Variants in DNM3 observed in about 807,000 individuals in gnomAD.
DNM3 encodes the protein dynamin 3.
A neutral mutation model predicts 101.6 loss-of-function variants in DNM3; 47 were observed. The ratio of observed to expected loss-of-function variants is 0.46; its 90% CI spans 0.37 to 0.59. The LOEUF is 0.59. Among genes scored for constraint, DNM3 ranks in the 20% least tolerant of loss-of-function variants. The pLI is 0.00. For missense variants in DNM3, 849 were observed against 1,085.7 expected, an observed-to-expected ratio of 0.78 and a Z score of 3.06; for synonymous variants, 385 against 387.9, an observed-to-expected ratio of 0.99 and a Z score of 0.09.
At chr1:172,121,067 A>C (rs1266159998) in intron 13 of DNM3, among the ~76,000 whole-genome samples, 4 of 152,092 alleles carry the variant, frequency 2.6e-5, no homozygotes, top group Admixed American at 2.6e-4. Context: ...TTTTTTCCTC[A>C]TGTGTGCATA....
intron 1 of DNM3, among the ~76,000 whole-genome samples, chr1:171,885,456 T>A (rs1480592006): frequency 6.6e-6 from 1 of 152,210 alleles, no homozygotes. Context: ...TAGCCATGTT[T>A]GACCTGGGCC....
At position 172,409,887 on chromosome 1, in the gene DNM3, A is replaced by G; in HGVS notation, c.*2046A>G. On this transcript the variant is annotated 3_prime_UTR_variant, in exon 21 of 21. Coordinates refer to ENST00000627582, the MANE Select transcript of DNM3 (RefSeq NM_015569.5). ...AATTTTCCTTCTGTTAAAGGAAAAT[A>G]TTGTGAATAACCACTGGTGTGTTCT... The G allele has an allele frequency of 1.0e-6, 1 of 985,744 alleles. No individual in the cohort carries two copies. Among genetic ancestry groups the G allele is most frequent in the Non-Finnish European group, 1.2e-6 (1 of 829,864 alleles). 61.1% of individuals were successfully genotyped at this position (985,744 alleles called of 1,614,324 possible). A position where few individuals can be genotyped will look rare whatever the true frequency, so the allele number is the denominator to read the frequency against.
intron 12 of DNM3, among the ~76,000 whole-genome samples, chr1:172,086,235 A>G (rs1423158244): frequency 1.3e-5 from 2 of 152,138 alleles, no homozygotes; most frequent in Non-Finnish European, 2.9e-5. Flanking sequence ...TTTCTTGCAT[A>G]ATAGCCTGAG....
intron 4 of DNM3, among the ~76,000 whole-genome samples, chr1:171,995,633 A>T (rs144880814): frequency 7.9e-4 from 120 of 152,186 alleles, no homozygotes; most frequent in Middle Eastern, 3.4e-3. Flanking sequence ...TTCATATAAC[A>T]GTCATTTGAG....
Position 171,966,344 on chromosome 1 carries a change from C to T in DNM3, c.236-21312C>T, listed in dbSNP as rs138029100. On this transcript the variant is annotated intron_variant, in intron 2 of 20. Transcript: ENST00000627582. Reference sequence around the variant, plus strand: ...CTCAAGCTCTCTGAAAGGTCTCTCACTAAGCATGAGGGCAGAAGAAGGCAT... The same window carrying T: ...CTCAAGCTCTCTGAAAGGTCTCTCATTAAGCATGAGGGCAGAAGAAGGCAT... Among the ~76,000 whole-genome samples the T allele has an allele frequency of 1.1e-4, 16 of 152,314 alleles. No homozygotes were observed. In the East Asian group the frequency reaches 3.1e-3, roughly 29 times the overall value.
At chr1:172,191,690 G>A (rs567168) in intron 14 of DNM3, among the ~76,000 whole-genome samples, 74,382 of 151,838 alleles carry the variant, frequency 0.49, 19,907 homozygotes, top group African/African-American at 0.71. Context: ...CTTTTATTTC[G>A]TTGAGCAGTG....
intron 14 of DNM3, among the ~76,000 whole-genome samples, chr1:172,185,201 G>A (rs182754946): frequency 2.0e-5 from 3 of 152,100 alleles, no homozygotes; most frequent in Admixed American, 6.6e-5. Flanking sequence ...TATTTGCATC[G>A]GCAGTGAGAT....
intron 14 of DNM3, chr1:172,133,070 G>A: frequency 6.9e-7 from 1 of 1,451,436 alleles, no homozygotes; most frequent in Non-Finnish European, 9.0e-7. Context: ...GAGGACTTAT[G>A]AAGATGAATT....
intron 18 of DNM3, chr1:172,386,922 C>T (rs2069214393): frequency 3.9e-6 from 2 of 512,542 alleles, no homozygotes; most frequent in African/African-American, 1.9e-5. Flanking sequence ...GTGTGGACAG[C>T]CAAAAGACAG....
intron 10 of DNM3, among the ~76,000 whole-genome samples, chr1:172,058,850 C>A (rs1272088022): frequency 6.7e-6 from 1 of 148,358 alleles, no homozygotes; most frequent in East Asian, 2.1e-4. Context: ...AAAATCATAG[C>A]AGAACTGAAG....
intron 14 of DNM3, among the ~76,000 whole-genome samples, chr1:172,248,852 A>G (rs1410680574): frequency 1.3e-5 from 2 of 152,172 alleles, no homozygotes; most frequent in Non-Finnish European, 2.9e-5. Flanking sequence ...AAATCAATTC[A>G]ATAATATTTA....
At chr1:172,136,759 C>T (rs2057253077) in intron 14 of DNM3, 1 of 151,844 alleles carries the variant, frequency 6.6e-6, no homozygotes, top group East Asian at 1.9e-4. Context: ...AGATTCAAAC[C>T]CACTCCCCTA....
Position 171,957,512 on chromosome 1 carries a change from T to C in DNM3, c.236-30144T>C, listed in dbSNP as rs550030774. On this transcript the variant is annotated intron_variant, in intron 2 of 20. Coordinates refer to ENST00000627582, the MANE Select transcript of DNM3 (RefSeq NM_015569.5). ...TATGCCCGGCCCAGTGTTTTTCTTT[T>C]CTATTGCATCATCAGGCTGCAAATT... Among the ~76,000 whole-genome samples the C allele has an allele frequency of 2.6e-5, 4 of 152,296 alleles. No homozygotes were observed. In the East Asian group the frequency reaches 7.7e-4, roughly 29 times the overall value.
chr1:172,032,526 CTTTTTTTTTTTTTT>C lies in DNM3; in HGVS notation c.688+42_688+55del, dbSNP rs750270768. The C allele has an allele frequency of 2.1e-3, 755 of 360,714 alleles. 7 individuals carry two copies. The highest frequency in any genetic ancestry group is 0.016 in the African/African-American group (541 of 33,662). The allele number at this position is 360,714 out of a possible 1,614,324, so 22.3% of individuals were successfully genotyped here. On this transcript the variant is annotated intron_variant, in intron 5 of 20. Coordinates refer to ENST00000627582, the MANE Select transcript of DNM3 (RefSeq NM_015569.5). ...GTAATGTACTGTGGTCTATACAAGA[CTTTTTTTTTTTTTT>C]TTTTTTTTTTTTTTTGTTATATGGA...
At chr1:172,099,428 C>A (rs1480072895) in intron 13 of DNM3, among the ~76,000 whole-genome samples, 1 of 152,080 alleles carries the variant, frequency 6.6e-6, no homozygotes, top group Admixed American at 6.5e-5. Context: ...GGGAAAGAGA[C>A]AGAAGCCTGG....
At chr1:171,935,769 C>A (rs374875775) in intron 2 of DNM3, among the ~76,000 whole-genome samples, 11 of 48,012 alleles carry the variant, frequency 2.3e-4, no homozygotes, top group South Asian at 2.1e-3. Context: ...CAAATCAAAA[C>A]TTTTTTTTTT....
At chr1:172,168,060 A>G (rs1294656285) in intron 14 of DNM3, among the ~76,000 whole-genome samples, 1 of 152,032 alleles carries the variant, frequency 6.6e-6, no homozygotes, top group Non-Finnish European at 1.5e-5. Flanking sequence ...TTTAGCATTC[A>G]TGGATGTTAT....
chr1:172,058,103 A>T (rs1369809398), intron 10 of DNM3, among the ~76,000 whole-genome samples: 1 of 133,772 alleles, frequency 7.5e-6, no homozygotes, highest in Non-Finnish European at 1.6e-5. Flanking sequence ...AAAGAAGGCC[A>T]TTACATAATG....
intron 1 of DNM3, among the ~76,000 whole-genome samples, chr1:171,908,727 C>T (rs7538839): frequency 1.4e-4 from 22 of 152,054 alleles, no homozygotes; most frequent in Admixed American, 8.5e-4. Context: ...TTAATTTCTT[C>T]GCACTGAAAA....
Sources: allele counts gnomAD v4.1 joint callset (sites outside exome capture counted in the v4.1 genomes callset), GRCh38; gene constraint gnomAD v4.1.1; transcripts MANE v1.5; gene names NCBI Gene and HGNC (gene_info 2026-07-23, HGNC 2026-07-21).